TKTL1: variants seen among roughly 807,000 people sequenced by gnomAD.
TKTL1 encodes the protein transketolase-like protein 1.
Under a neutral mutation model 39.3 loss-of-function variants are expected in TKTL1, and 1 was observed. The observed-to-expected ratio is 0.03, with a 90% CI of 0.01 to 0.12. The LOEUF is 0.12. Among genes scored for constraint, TKTL1 ranks in the 10% least tolerant of loss-of-function variants. TKTL1 has a pLI of 1.00. For missense variants in TKTL1, 575 were observed against 509.6 expected, an observed-to-expected ratio of 1.13 and a Z score of -1.24; for synonymous variants, 262 against 193.8, an observed-to-expected ratio of 1.35 and a Z score of -2.92.
At chrX:154,305,242 G>A (rs1477838935) in intron 1 of TKTL1, 62 bp from the exon 2 acceptor site, 13 of 1,190,744 alleles carry the variant, frequency 1.1e-5, no homozygotes, top group South Asian at 3.6e-5. Flanking sequence ...ACCATGTGCC[G>A]AGGTCGTGTG....
intron 1 of TKTL1, among the ~76,000 whole-genome samples, chrX:154,300,009 TA>T (rs1438074004): frequency 4.1e-5 from 4 of 96,934 alleles, no homozygotes; most frequent in East Asian, 2.9e-4. Flanking sequence ...CTACTTTTAG[TA>T]TTTTTTTTTT....
intron 11 of TKTL1, 26 bp from the exon 12 acceptor site, chrX:154,327,813 C>T (rs782423732): frequency 5.0e-6 from 6 of 1,209,287 alleles, no homozygotes; most frequent in South Asian, 3.5e-5. Context: ...CTTTCTTGTA[C>T]CAAGCTGGTT....
Position 154,295,913 on chromosome X carries a change from G to C in TKTL1, c.54G>C (p.Arg18Ser), listed in dbSNP as rs781999622. The change falls in exon 1 of 13, where the codon AGG becomes AGC. Residue 18 changes from arginine (R) to serine (S), a missense_variant. Coordinates refer to ENST00000369915, the MANE Select transcript of TKTL1 (RefSeq NM_012253.4). ...AEFPEEARPD[R>S]GTLQVLQDMA... ...TCCCGGAGGAGGCCAGACCTGACAG[G>C]GGCACCTTGCAGGTGTTGCAAGATA... 2 of 1,210,256 alleles carry C rather than the reference G, an allele frequency of 1.7e-6. No homozygotes were observed. The highest frequency in any genetic ancestry group is 3.0e-5 in the East Asian group (1 of 33,746).
At chrX:154,316,792 G>GTCTCTC (rs781846825) in intron 7 of TKTL1, among the ~76,000 whole-genome samples, 1 of 102,006 alleles carries the variant, frequency 9.8e-6, no homozygotes, top group Non-Finnish European at 2.0e-5. Context: ...TTGAGATGGA[G>GTCTCTC]TCTCTCTCTC....
intron 8 of TKTL1, among the ~76,000 whole-genome samples, chrX:154,322,343 C>T (rs1249682055): frequency 9.2e-6 from 1 of 108,308 alleles, no homozygotes; most frequent in Non-Finnish European, 1.9e-5. Context: ...ACCAGCCTGA[C>T]CAATATGGTG....
At chrX:154,315,375 A>G (rs1348666671) in intron 7 of TKTL1, 38 bp downstream of exon 7, 20 of 1,139,316 alleles carry the variant, frequency 1.8e-5, no homozygotes, top group Non-Finnish European at 2.3e-5. Flanking sequence ...CTTAGAATCA[A>G]TGGCCCACTG....
chrX:154,322,918 T>C (rs782072137), intron 8 of TKTL1, among the ~76,000 whole-genome samples: 11 of 111,930 alleles, frequency 9.8e-5, no homozygotes, highest in Non-Finnish European at 1.5e-4. Context: ...AGGCCACCAA[T>C]GCTCAGCCAT....
At chrX:154,296,965 C>A (rs1237084252) in intron 1 of TKTL1, among the ~76,000 whole-genome samples, 2 of 111,869 alleles carry the variant, frequency 1.8e-5, no homozygotes, top group Non-Finnish European at 3.8e-5. Flanking sequence ...GCACTCCAGC[C>A]TGGGCAAGAG....
At position 154,303,563 on chromosome X, in the gene TKTL1, G is replaced by C. The variant is rs190380882; in HGVS notation, c.135-1741G>C. Among the ~76,000 whole-genome samples the C allele has an allele frequency of 1.9e-5, 2 of 103,568 alleles. 1 individual carries two copies. The highest frequency in any genetic ancestry group is 2.1e-4 in the Admixed American group (2 of 9,424). The allele number at this position is 103,568 out of a possible 115,157, so 89.9% of individuals were successfully genotyped here. A position where few individuals can be genotyped will look rare whatever the true frequency, so the allele number is the denominator to read the frequency against. Reference sequence around the variant, plus strand: ...CCTTTTTATCATTCCCTCTTCCCTCGTCTTCCTTGGCTTTCCTCCTCACAC... The same window carrying C: ...CCTTTTTATCATTCCCTCTTCCCTCCTCTTCCTTGGCTTTCCTCCTCACAC... On this transcript the variant is annotated intron_variant, in intron 1 of 12. Transcript: ENST00000369915.
chrX:154,325,565 C>T (rs1419821331), intron 10 of TKTL1, 143 bp downstream of exon 10: 2 of 505,251 alleles, frequency 4.0e-6, no homozygotes, highest in Non-Finnish European at 6.5e-6. Context: ...TGACCTTTAC[C>T]TGCTTTTCCT....
intron 5 of TKTL1, among the ~76,000 whole-genome samples, chrX:154,312,303 C>T (rs782519609): frequency 9.8e-5 from 11 of 111,778 alleles, no homozygotes; most frequent in Non-Finnish European, 1.5e-4. Context: ...CACTCGAGCC[C>T]GAGGAGTTGG....
intron 3 of TKTL1, 129 bp downstream of exon 3, chrX:154,309,571 G>T: frequency 1.8e-6 from 1 of 568,259 alleles, no homozygotes. Flanking sequence ...ACATCCCGTG[G>T]TGACCCCTCT....
chrX:154,318,687 G>A (rs1454012996), intron 7 of TKTL1, among the ~76,000 whole-genome samples: 15 of 90,845 alleles, frequency 1.7e-4, no homozygotes, highest in African/African-American at 5.5e-4. Flanking sequence ...CAGCCTGGGC[G>A]ACAGAGCGAG....
chrX:154,300,751 C>T (rs1035804663), intron 1 of TKTL1, among the ~76,000 whole-genome samples: 3 of 111,274 alleles, frequency 2.7e-5, no homozygotes, highest in Non-Finnish European at 3.8e-5. Flanking sequence ...GGCTGGAGTG[C>T]AGTGGCATGA....
In TKTL1 at chrX:154,295,946, C is replaced by G. The variant is rs1557164281; in HGVS notation, c.87C>G (p.Ser29Arg). Residue 29 changes from serine (S) to arginine (R), a missense_variant, in exon 1 of 13, where the codon AGC becomes AGG. By Grantham distance (110) the Ser-to-Arg change is moderately radical (BLOSUM62 -1). Coordinates refer to ENST00000369915, the MANE Select transcript of TKTL1 (RefSeq NM_012253.4). ...TGCAGGTGTTGCAAGATATGGCCAG[C>G]CGCTTGCGAATCCATTCCATCAGGG... ...GTLQVLQDMA[S>R]RLRIHSIRAT... is the part of the protein sequence containing the mutation. 7 of 1,210,203 alleles carry G rather than the reference C, an allele frequency of 5.8e-6. No homozygotes were observed. The highest frequency in any genetic ancestry group is 1.7e-5 in the African/African-American group (1 of 57,300).
intron 11 of TKTL1, 43 bp from the exon 12 acceptor site, chrX:154,327,796 T>G: frequency 8.3e-7 from 1 of 1,209,966 alleles, no homozygotes; most frequent in East Asian, 3.0e-5. Flanking sequence ...CATGTTATTC[T>G]GAGTCTCTTT....
chrX:154,304,276 G>GT (rs1177139618), intron 1 of TKTL1, among the ~76,000 whole-genome samples: 2 of 111,230 alleles, frequency 1.8e-5, no homozygotes, highest in African/African-American at 3.3e-5. Context: ...GACAGTGAGT[G>GT]TGAACGAGGG....
chrX:154,324,511 C>G (rs183891033), intron 9 of TKTL1, among the ~76,000 whole-genome samples: 2 of 112,047 alleles, frequency 1.8e-5, no homozygotes, highest in East Asian at 5.6e-4. Context: ...GGTTTCATTT[C>G]TAGAAAGGTC....
intron 1 of TKTL1, among the ~76,000 whole-genome samples, chrX:154,303,420 G>C (rs2067290812): frequency 1.4e-5 from 1 of 69,758 alleles, no homozygotes; most frequent in African/African-American, 5.9e-5. Flanking sequence ...TTGGAAAGAC[G>C]AGGTTTCACC....
Sources: gnomAD v4.1 joint callset for allele counts (sites outside exome capture counted in the v4.1 genomes callset) on GRCh38, gnomAD v4.1.1 for gene constraint, MANE v1.5 for transcripts, NCBI Gene and HGNC (gene_info 2026-07-23, HGNC 2026-07-21) for gene names.